The following ANKS1B variants were observed in gnomAD, a reference collection of about 807,000 sequenced individuals.
ANKS1B encodes ankyrin repeat and sterile alpha motif domain-containing protein 1B.
A neutral mutation model predicts 148.3 loss-of-function variants in ANKS1B; 36 were observed. The ratio of observed to expected loss-of-function variants is 0.24; its 90% confidence interval spans 0.19 to 0.32. The LOEUF (loss-of-function observed/expected upper bound fraction) is 0.32, where lower values mean the gene tolerates loss of function less well. ANKS1B is among the 10% of genes least tolerant of loss of function. The probability of loss-of-function intolerance (pLI) is 1.00; values close to 1 mark genes in which losing one functional copy is unlikely to be tolerated. For missense variants in ANKS1B, 1,157 were observed against 1,542.6 expected (o/e 0.75, Z 4.19); for synonymous variants, 542 against 560.8 (o/e 0.97, Z 0.47).
intron 17 of ANKS1B, among the ~76,000 whole-genome samples, chr12:98,942,598 A>C (rs149266650): frequency 2.0e-5 from 3 of 152,314 alleles, no homozygotes; most frequent in African/African-American, 7.2e-5. Context: ...TTACCTGTAT[A>C]TGTCTGTGTT....
chr12:99,595,348 C>T (rs1337437463), intron 9 of ANKS1B, among the ~76,000 whole-genome samples: 1 of 151,776 alleles, frequency 6.6e-6, no homozygotes, highest in Non-Finnish European at 1.5e-5. Context: ...TTTGGACAAG[C>T]TTCAATGAGA....
intron 9 of ANKS1B, among the ~76,000 whole-genome samples, chr12:99,516,703 A>C (rs2096824845): frequency 6.6e-6 from 1 of 152,118 alleles, no homozygotes; most frequent in South Asian, 2.1e-4. Flanking sequence ...TTACCTATGT[A>C]ACAAACCTGC....
intron 17 of ANKS1B, among the ~76,000 whole-genome samples, chr12:98,941,082 T>C (rs1201821808): frequency 6.6e-6 from 1 of 152,176 alleles, no homozygotes; most frequent in Non-Finnish European, 1.5e-5. Context: ...AGAGTTAGGC[T>C]CCTGCAAGCC....
At chr12:99,826,144 A>T (rs929464146) in intron 1 of ANKS1B, among the ~76,000 whole-genome samples, 3 of 152,346 alleles carry the variant, frequency 2.0e-5, no homozygotes, top group Non-Finnish European at 4.4e-5. Flanking sequence ...TGATATCAAA[A>T]CTATCAAAGA....
intron 17 of ANKS1B, among the ~76,000 whole-genome samples, chr12:98,924,741 A>G (rs941544626): frequency 1.1e-4 from 16 of 152,198 alleles, no homozygotes; most frequent in Admixed American, 2.6e-4. Flanking sequence ...TACGTTTGGA[A>G]AATAATTCAG....
intron 12 of ANKS1B, among the ~76,000 whole-genome samples, chr12:99,317,241 C>A (rs2084301254): frequency 6.6e-6 from 1 of 152,214 alleles, no homozygotes; most frequent in Admixed American, 6.5e-5. Flanking sequence ...GGCATTGAAT[C>A]TATAAATTAT....
chr12:99,844,996 T>C (rs917128383), intron 1 of ANKS1B, among the ~76,000 whole-genome samples: 1 of 152,158 alleles, frequency 6.6e-6, no homozygotes, highest in Non-Finnish European at 1.5e-5. Flanking sequence ...TTTGTGGCAA[T>C]TGTGAATGTG....
chr12:99,472,457 A>G (rs1290213801), intron 10 of ANKS1B, among the ~76,000 whole-genome samples: 1 of 152,134 alleles, frequency 6.6e-6, no homozygotes, highest in East Asian at 1.9e-4. Flanking sequence ...TGGATGTTAA[A>G]TTAATAAATA....
chr12:99,279,433 AAAG>A lies in ANKS1B; in HGVS notation c.1757-32572_1757-32570del, dbSNP rs2078100014. On this transcript the variant is annotated intron_variant, in intron 12 of 26. Coordinates refer to ENST00000683438, the MANE Select transcript of ANKS1B (RefSeq NM_001352186.2). Reference sequence around the variant, plus strand: ...TTGTAGAAGATTTCCATCATCCAAAAAAGAAACCTTGCAGCAGTCACTCCTCAT... The same window carrying A: ...TTGTAGAAGATTTCCATCATCCAAAAAAACCTTGCAGCAGTCACTCCTCAT... Among the ~76,000 whole-genome samples, 6 of 152,270 alleles carry A rather than the reference AAAG, an allele frequency of 3.9e-5. No individual in the cohort carries two copies. The South Asian group carries it at 1.2e-3, about 32-fold the overall frequency.
Position 99,179,428 on chromosome 12 carries a change from CAAAAAAAAAA to C in ANKS1B, c.2420-25043_2420-25034del, listed in dbSNP as rs59979808. ...TGGGTGACACAGCGAGACTCTGTCT[CAAAAAAAAAA>C]AAAAAAAAAAAAAAAATTTAGTTAT... On this transcript the variant is annotated intron_variant, in intron 14 of 26. Transcript: ENST00000683438. Among the ~76,000 whole-genome samples the C allele has an allele frequency of 1.6e-3, 120 of 72,928 alleles. 1 individual carries two copies. Among genetic ancestry groups the C allele is most frequent in the Non-Finnish European group, 2.2e-3 (88 of 39,296 alleles). The allele number at this position is 72,928 out of a possible 152,430, so 47.8% of individuals were successfully genotyped here.
intron 9 of ANKS1B, among the ~76,000 whole-genome samples, chr12:98,736,557 A>G (rs564831332): frequency 2.6e-5 from 4 of 152,264 alleles, no homozygotes; most frequent in African/African-American, 9.6e-5. Flanking sequence ...GTTCATGGGA[A>G]AGCTCCACCA....
At chr12:98,962,105 T>C (rs1280189303) in intron 17 of ANKS1B, among the ~76,000 whole-genome samples, 1 of 150,704 alleles carries the variant, frequency 6.6e-6, no homozygotes, top group African/African-American at 2.4e-5. Context: ...GTAAATGAAC[T>C]AAACTCTCCA....
chr12:99,757,925 G>A (rs1054012829), intron 8 of ANKS1B, among the ~76,000 whole-genome samples: 1 of 151,854 alleles, frequency 6.6e-6, no homozygotes, highest in African/African-American at 2.4e-5. Flanking sequence ...AGCACACACT[G>A]GGGTCTACTG....
intron 12 of ANKS1B, among the ~76,000 whole-genome samples, chr12:99,255,425 T>C (rs2075143970): frequency 6.6e-6 from 1 of 152,112 alleles, no homozygotes; most frequent in African/African-American, 2.4e-5. Context: ...CACCAATGAT[T>C]CCATTTCTGG....
intron 14 of ANKS1B, among the ~76,000 whole-genome samples, chr12:99,200,379 C>A (rs1424584903): frequency 1.3e-5 from 2 of 152,202 alleles, no homozygotes; most frequent in African/African-American, 2.4e-5. Context: ...TGCCATAAAT[C>A]TGCTTCCATT....
intron 12 of ANKS1B, among the ~76,000 whole-genome samples, chr12:99,312,772 T>C (rs1168614896): frequency 6.6e-6 from 1 of 151,502 alleles, no homozygotes; most frequent in Non-Finnish European, 1.5e-5. Flanking sequence ...ATGTTGGCTT[T>C]GTGTTAAGAG....
chr12:99,654,994 G>A, intron 9 of ANKS1B, 73 bp downstream of exon 9: 1 of 1,444,642 alleles, frequency 6.9e-7, no homozygotes, highest in Non-Finnish European at 9.3e-7. Context: ...TTTCGAAGGG[G>A]AGGGAGATTT....
intron 9 of ANKS1B, among the ~76,000 whole-genome samples, chr12:99,639,538 T>C (rs2098280198): frequency 1.3e-5 from 2 of 152,118 alleles, no homozygotes; most frequent in South Asian, 4.2e-4. Context: ...TCATCGTGGA[T>C]TTTAGTTCCC....
At chr12:99,342,923 A>G (rs916172446) in intron 12 of ANKS1B, among the ~76,000 whole-genome samples, 55 of 152,084 alleles carry the variant, frequency 3.6e-4, no homozygotes, top group African/African-American at 1.1e-3. Context: ...TCTCAAAACA[A>G]TAAGTGTACA....
Sources: gnomAD v4.1 joint callset for allele counts (sites outside exome capture counted in the v4.1 genomes callset) on GRCh38, gnomAD v4.1.1 for gene constraint, MANE v1.5 for transcripts, NCBI Gene and HGNC (gene_info 2026-07-23, HGNC 2026-07-21) for gene names.